Variants in NKAIN2 observed in about 807,000 individuals in gnomAD.
NKAIN2 encodes the protein sodium/potassium transporting ATPase interacting 2, also known as sodium/potassium-transporting ATPase subunit beta-1-interacting protein 2.
Under a neutral mutation model 32.6 loss-of-function variants are expected in NKAIN2, and 14 were observed. The ratio of observed to expected loss-of-function variants is 0.43; its 90% CI spans 0.28 to 0.67. NKAIN2 has a LOEUF of 0.67. Ranked by LOEUF, NKAIN2 falls within the 30% of genes least tolerant of loss-of-function variation. NKAIN2 has a pLI of 0.17. For synonymous variants in NKAIN2, 80 were observed against 87.2 expected (o/e 0.92, Z 0.46); for missense variants, 198 against 258.3 (o/e 0.77, Z 1.60).
intron 3 of NKAIN2, among the ~76,000 whole-genome samples, chr6:124,554,681 A>T (rs1159330070): frequency 1.3e-5 from 2 of 152,228 alleles, no homozygotes; most frequent in Non-Finnish European, 2.9e-5. Flanking sequence ...ATTGCAATAA[A>T]TGGTGTCTTG....
At chr6:124,763,798 G>A (rs1778379836) in intron 4 of NKAIN2, among the ~76,000 whole-genome samples, 2 of 152,126 alleles carry the variant, frequency 1.3e-5, no homozygotes, top group Non-Finnish European at 1.5e-5. Context: ...AACATTCATA[G>A]ATACTGTTTT....
chr6:124,108,062 T>A (rs184722723), intron 1 of NKAIN2, among the ~76,000 whole-genome samples: 43 of 152,240 alleles, frequency 2.8e-4, no homozygotes, highest in Non-Finnish European at 3.7e-4. Flanking sequence ...ATATTTGGAT[T>A]GTTTGGTACT....
At position 124,443,252 on chromosome 6, in the gene NKAIN2, T is replaced by G. The variant is rs559388378; in HGVS notation, c.273+87905T>G. 5.0e-4 allele frequency among the ~76,000 whole-genome samples: 76 copies of G among 152,238 alleles called. 2 individuals are homozygous for G. Among genetic ancestry groups the G allele is most frequent in the South Asian group, 4.1e-4 (2 of 4,826 alleles). Reference sequence around the variant, plus strand: ...CCTCCAATTCATTTGCTACTTTTGCTCTTCTGTTTCAATTAGCGGGATGTT... The same window carrying G: ...CCTCCAATTCATTTGCTACTTTTGCGCTTCTGTTTCAATTAGCGGGATGTT... On this transcript the variant is annotated intron_variant, in intron 3 of 6. Coordinates refer to ENST00000368417, the MANE Select transcript of NKAIN2 (RefSeq NM_001040214.3).
intron 1 of NKAIN2, among the ~76,000 whole-genome samples, chr6:123,872,253 T>C (rs1772926725): frequency 6.6e-6 from 1 of 152,192 alleles, no homozygotes; most frequent in Non-Finnish European, 1.5e-5. Context: ...GAGAAAGTGG[T>C]CCTGAAAAGG....
chr6:124,444,954 T>C (rs1304802396), intron 3 of NKAIN2, among the ~76,000 whole-genome samples: 1 of 151,960 alleles, frequency 6.6e-6, no homozygotes, highest in Non-Finnish European at 1.5e-5. Context: ...ATGGAAAATC[T>C]GCAACTCTTC....
intron 3 of NKAIN2, among the ~76,000 whole-genome samples, chr6:124,520,769 A>G (rs1779090230): frequency 3.3e-5 from 5 of 152,134 alleles, no homozygotes; most frequent in Admixed American, 3.3e-4. Context: ...CTGTGACTCG[A>G]TTATCATATT....
intron 4 of NKAIN2, among the ~76,000 whole-genome samples, chr6:124,683,628 CAGTGTGCGTGCTTGACT>C (rs1301158802): frequency 1.3e-5 from 2 of 152,060 alleles, no homozygotes; most frequent in Non-Finnish European, 2.9e-5. Context: ...CGTGCTTGAC[CAGTGTGCGTGCTTGACT>C]AGTGTGCAAG....
intron 3 of NKAIN2, among the ~76,000 whole-genome samples, chr6:124,655,874 C>G (rs1302703073): frequency 2.6e-5 from 4 of 152,070 alleles, no homozygotes; most frequent in Non-Finnish European, 5.9e-5. Flanking sequence ...CAAATGGAAA[C>G]TTGTGGTTGG....
At chr6:124,668,587 A>T (rs940040042) in intron 4 of NKAIN2, among the ~76,000 whole-genome samples, 8 of 152,088 alleles carry the variant, frequency 5.3e-5, no homozygotes, top group Non-Finnish European at 1.2e-4. Context: ...ACTCATACGC[A>T]TTCTAATTTC....
chr6:124,819,208 C>A (rs1781291482), intron 6 of NKAIN2: 3 of 539,108 alleles, frequency 5.6e-6, no homozygotes, highest in Non-Finnish European at 7.1e-6. Flanking sequence ...ATGTGAACTT[C>A]TCTTTGAAGA....
chr6:124,215,097 TA>T (rs1791397847), intron 1 of NKAIN2, among the ~76,000 whole-genome samples: 1 of 152,110 alleles, frequency 6.6e-6, no homozygotes, highest in Non-Finnish European at 1.5e-5. Flanking sequence ...AAGATAATGA[TA>T]TTAAAAAAAC....
intron 4 of NKAIN2, among the ~76,000 whole-genome samples, chr6:124,753,380 A>G (rs1003786837): frequency 4.6e-5 from 7 of 152,146 alleles, no homozygotes; most frequent in Admixed American, 6.6e-5. Flanking sequence ...TCTCTTTAGC[A>G]TAAAATTGTA....
At chr6:124,023,002 T>C (rs1057137976) in intron 1 of NKAIN2, among the ~76,000 whole-genome samples, 2 of 151,926 alleles carry the variant, frequency 1.3e-5, no homozygotes, top group African/African-American at 2.4e-5. Flanking sequence ...TCTAAACTTT[T>C]CGGTTAAAGA....
At chr6:124,139,891 T>A (rs1326422124) in intron 1 of NKAIN2, among the ~76,000 whole-genome samples, 1 of 152,162 alleles carries the variant, frequency 6.6e-6, no homozygotes, top group African/African-American at 2.4e-5. Context: ...AAAATAAAAA[T>A]CTTACAACCA....
At chr6:123,830,292 T>G (rs1774323801) in intron 1 of NKAIN2, among the ~76,000 whole-genome samples, 1 of 152,192 alleles carries the variant, frequency 6.6e-6, no homozygotes, top group African/African-American at 2.4e-5. Flanking sequence ...AAATGCATTT[T>G]AAATGCAGAT....
chr6:124,601,800 A>C lies in NKAIN2; in HGVS notation c.274-56386A>C, dbSNP rs370477296. On this transcript the variant is annotated intron_variant, in intron 3 of 6. Transcript: ENST00000368417. The stretch of plus-strand genomic sequence containing the variant: ...GTGATTCCTGGGTTGTAGAATTTAC[A>C]TGAGCCAGGCTTCTTAAGCAAATGA... 2.0e-3 allele frequency among the ~76,000 whole-genome samples: 306 copies of C among 152,154 alleles called. 4 individuals carry two copies. The South Asian group carries it at 0.024, about 12-fold the overall frequency.
chr6:124,778,151 C>A (rs952561365), intron 4 of NKAIN2, among the ~76,000 whole-genome samples: 4 of 152,028 alleles, frequency 2.6e-5, no homozygotes, highest in Non-Finnish European at 5.9e-5. Flanking sequence ...AGCTTGCTCT[C>A]CCCCTGAGCT....
At chr6:124,091,289 G>T (rs747390523) in intron 1 of NKAIN2, among the ~76,000 whole-genome samples, 2 of 151,882 alleles carry the variant, frequency 1.3e-5, no homozygotes, top group Non-Finnish European at 2.9e-5. Flanking sequence ...GCAGGCACAT[G>T]AAAACACTAT....
At chr6:123,972,640 C>T (rs973573159) in intron 1 of NKAIN2, among the ~76,000 whole-genome samples, 12 of 152,202 alleles carry the variant, frequency 7.9e-5, no homozygotes, top group African/African-American at 2.6e-4. Flanking sequence ...TGGAGAAAGT[C>T]CCCCTTGCCT....
Sources: allele counts gnomAD v4.1 joint callset (sites outside exome capture counted in the v4.1 genomes callset), GRCh38; gene constraint gnomAD v4.1.1; transcripts MANE v1.5; gene names NCBI Gene and HGNC (gene_info 2026-07-23, HGNC 2026-07-21).